STK32B: variants seen among roughly 807,000 people sequenced by gnomAD.
STK32B encodes the protein serine/threonine-protein kinase 32B.
Under a neutral mutation model 52.6 loss-of-function variants are expected in STK32B, and 43 were observed. The observed-to-expected ratio is 0.82, with a 90% CI of 0.64 to 1.05. The LOEUF (loss-of-function observed/expected upper bound fraction) is 1.05, where lower values mean the gene tolerates loss of function less well. STK32B is among the 50% of genes least tolerant of loss of function. The probability of loss-of-function intolerance (pLI) is 0.00; values close to 1 mark genes in which losing one functional copy is unlikely to be tolerated. For synonymous variants in STK32B, 238 were observed against 204.3 expected (o/e 1.17, Z -1.41); for missense variants, 621 against 534.6 (o/e 1.16, Z -1.59).
rs559673256 is a variant in STK32B at position 5,060,777 on chromosome 4, C to G, written c.52+8862C>G. The stretch of plus-strand genomic sequence containing the variant: ...CTTTACTTATGAGTGAGTCTTTTGC[C>G]AGTTATCAAATTCTATGTCAGCAGG... On this transcript the variant is annotated intron_variant, in intron 1 of 11. Coordinates refer to ENST00000282908, the MANE Select transcript of STK32B (RefSeq NM_018401.3). Among the ~76,000 whole-genome samples the G allele has an allele frequency of 2.0e-5, 3 of 152,148 alleles. No individual in the cohort carries two copies. The South Asian group carries it at 6.2e-4, about 32-fold the overall frequency.
chr4:5,243,390 G>A (rs1293999332), intron 3 of STK32B, among the ~76,000 whole-genome samples: 1 of 152,052 alleles, frequency 6.6e-6, no homozygotes, highest in Non-Finnish European at 1.5e-5. Flanking sequence ...GTCTGTTATT[G>A]GTGTATAAGA....
At chr4:5,204,883 T>G (rs1415535748) in intron 3 of STK32B, among the ~76,000 whole-genome samples, 1 of 152,170 alleles carries the variant, frequency 6.6e-6, no homozygotes, top group African/African-American at 2.4e-5. Flanking sequence ...GATGGCTAAT[T>G]TTTTCTATCA....
chr4:5,411,091 A>C (rs1445644674), intron 5 of STK32B, among the ~76,000 whole-genome samples: 6 of 149,950 alleles, frequency 4.0e-5, no homozygotes, highest in Admixed American at 2.0e-4. Flanking sequence ...GCTGGAGTGC[A>C]GTGGTGCTAT....
intron 6 of STK32B, among the ~76,000 whole-genome samples, chr4:5,441,890 C>T (rs1325063866): frequency 3.1e-4 from 41 of 134,384 alleles, no homozygotes; most frequent in African/African-American, 1.1e-3. Context: ...GCAGGTTGTT[C>T]AGTTTCCATG....
At chr4:5,391,028 C>T (rs906436860) in intron 4 of STK32B, among the ~76,000 whole-genome samples, 8 of 143,948 alleles carry the variant, frequency 5.6e-5, no homozygotes, top group Admixed American at 1.5e-4. Flanking sequence ...TGCAATGGTG[C>T]GATCTCGGCT....
chr4:5,102,084 TAAG>T (rs1182183484), intron 1 of STK32B, among the ~76,000 whole-genome samples: 2 of 152,176 alleles, frequency 1.3e-5, no homozygotes, highest in East Asian at 3.9e-4. Flanking sequence ...AGCCCAGAGA[TAAG>T]GAGTGAACCA....
intron 3 of STK32B, chr4:5,214,131 G>A (rs1240075163): frequency 6.6e-6 from 1 of 152,116 alleles, no homozygotes; most frequent in Non-Finnish European, 1.5e-5. Context: ...CCTGGTGGGA[G>A]GTGATTGGAT....
chr4:5,055,843 A>G (rs911837490), intron 1 of STK32B, among the ~76,000 whole-genome samples: 3 of 150,178 alleles, frequency 2.0e-5, no homozygotes, highest in African/African-American at 7.3e-5. Context: ...TTAAAATGTC[A>G]TTCCAAATCC....
the STK32B span, among the ~76,000 whole-genome samples, chr4:5,021,467 G>A: frequency 6.6e-6 from 1 of 152,192 alleles, no homozygotes; most frequent in South Asian, 2.1e-4. Flanking sequence ...TGGGGCATGG[G>A]CCTCCCTGGC....
In STK32B at chr4:5,278,608, C is replaced by G. The variant is rs138764030; in HGVS notation, c.261-52612C>G. ...TCACTTGCGAATTTGAAAACCTAGG[C>G]ATATACCTCAGAAGTACTGAGGCCT... On this transcript the variant is annotated intron_variant, in intron 3 of 11. Coordinates refer to ENST00000282908, the MANE Select transcript of STK32B (RefSeq NM_018401.3). Among the ~76,000 whole-genome samples the G allele has an allele frequency of 2.0e-3, 306 of 152,276 alleles. 2 individuals carry two copies. Among genetic ancestry groups the G allele is most frequent in the African/African-American group, 7.1e-3 (295 of 41,568 alleles).
intron 8 of STK32B, chr4:5,459,031 C>G (rs1056905182): frequency 1.3e-5 from 2 of 152,274 alleles, no homozygotes; most frequent in African/African-American, 4.8e-5. Flanking sequence ...AGCATGTTTT[C>G]AGAACAGCTG....
At chr4:5,165,873 G>C (rs907462106) in intron 2 of STK32B, among the ~76,000 whole-genome samples, 5 of 152,172 alleles carry the variant, frequency 3.3e-5, no homozygotes, top group African/African-American at 1.2e-4. Flanking sequence ...TTCATGCAAC[G>C]TGCTATCTAA....
At position 5,466,748 on chromosome 4, in the gene STK32B, A is replaced by G. The variant is rs1717468662; in HGVS notation, c.955A>G (p.Ile319Val). 2 of 1,613,930 alleles carry G rather than the reference A, an allele frequency of 1.2e-6. No individual in the cohort carries two copies. The highest frequency in any genetic ancestry group is 1.3e-5 in the African/African-American group (1 of 74,910). Residue 319 changes from isoleucine to valine, a missense_variant, in exon 10 of 12, where the codon ATT (isoleucine) becomes GTT (valine). Coordinates refer to ENST00000282908, the MANE Select transcript of STK32B (RefSeq NM_018401.3). ...CDPTFELEEM[I>V]LESKPLHKKK... ...TCCCACATTTGAGCTTGAAGAGATG[A>G]TTCTAGAATCCAAGCCACTTCACAA...
intron 3 of STK32B, among the ~76,000 whole-genome samples, chr4:5,268,477 G>T (rs540042742): frequency 2.0e-5 from 3 of 151,292 alleles, no homozygotes; most frequent in African/African-American, 7.3e-5. Context: ...CTGTTTTCCC[G>T]TCTCCTTTGG....
intron 2 of STK32B, among the ~76,000 whole-genome samples, chr4:5,159,556 T>C (rs1017277000): frequency 5.6e-5 from 5 of 88,840 alleles, no homozygotes; most frequent in Non-Finnish European, 9.9e-5. Flanking sequence ...TATATGAATA[T>C]ATATGAATGA....
rs556111233 is a variant in STK32B, at chr4:5,242,988, G to C, written c.260+74538G>C. Among the ~76,000 whole-genome samples, 127 of 152,318 alleles carry C rather than the reference G, an allele frequency of 8.3e-4. 1 individual carries two copies. Among genetic ancestry groups the C allele is most frequent in the Admixed American group, 5.2e-4 (8 of 15,304 alleles). On this transcript the variant is annotated intron_variant, in intron 3 of 11. Transcript: ENST00000282908. ...CTGTCTTGGTTACTGTAGCCTTGTA[G>C]TATGGTTTGAAGTCAGGTAGCGTGA...
chr4:5,473,759 C>A (rs1403951829), intron 11 of STK32B, among the ~76,000 whole-genome samples: 1 of 152,156 alleles, frequency 6.6e-6, no homozygotes, highest in Non-Finnish European at 1.5e-5. Context: ...GGCAGCAAAC[C>A]CAGCGCATTT....
At chr4:5,315,227 C>T (rs574347111) in intron 3 of STK32B, among the ~76,000 whole-genome samples, 1 of 138,542 alleles carries the variant, frequency 7.2e-6, no homozygotes, top group East Asian at 2.0e-4. Context: ...GTTCATCTTC[C>T]TTCTCCATTA....
At chr4:5,475,049 A>G (rs1718130583) in intron 11 of STK32B, among the ~76,000 whole-genome samples, 1 of 152,174 alleles carries the variant, frequency 6.6e-6, no homozygotes, top group South Asian at 2.1e-4. Flanking sequence ...AAGGTAGTCT[A>G]AAAGGCTGTG....
Sources: allele counts gnomAD v4.1 joint callset (sites outside exome capture counted in the v4.1 genomes callset), GRCh38; gene constraint gnomAD v4.1.1; transcripts MANE v1.5; gene names NCBI Gene and HGNC (gene_info 2026-07-23, HGNC 2026-07-21).